Variants in DMD observed in about 807,000 individuals in gnomAD.
DMD encodes the protein mutant dystrophin.
A neutral mutation model predicts 330.1 loss-of-function variants in DMD; 63 were observed. The ratio of observed to expected loss-of-function variants is 0.19; its 90% CI spans 0.16 to 0.24. The LOEUF (loss-of-function observed/expected upper bound fraction) is 0.24. DMD is among the 10% of genes least tolerant of loss of function. The pLI, the probability that DMD is intolerant of heterozygous loss-of-function variation, is 1.00. For synonymous variants in DMD, 1,223 were observed against 959.8 expected, an observed-to-expected ratio of 1.27 and a Z score of -5.07; for missense variants, 3,344 against 2,684.1, an observed-to-expected ratio of 1.25 and a Z score of -5.43.
At chrX:31,155,559 T>C (rs1466788441) in intron 74 of DMD, among the ~76,000 whole-genome samples, 2 of 112,286 alleles carry the variant, frequency 1.8e-5, no homozygotes, top group Admixed American at 9.4e-5. Flanking sequence ...TTCAGGCAAA[T>C]GTAGTAAATC....
At chrX:32,899,224 T>C (rs1481098461) in intron 2 of DMD, among the ~76,000 whole-genome samples, 2 of 112,488 alleles carry the variant, frequency 1.8e-5, no homozygotes, top group African/African-American at 3.2e-5. Flanking sequence ...CGTATGCATT[T>C]AGATCTTTGC....
chrX:32,680,132 T>G (rs2062293943), intron 9 of DMD, among the ~76,000 whole-genome samples: 1 of 108,192 alleles, frequency 9.2e-6, no homozygotes, highest in Non-Finnish European at 1.9e-5. Context: ...CAGGCTGGTC[T>G]CGAACTCCTG....
rs761369135 is a variant in DMD at position 32,421,730 on chromosome X, G to A, written c.4072-9817C>T. ...TCATCGTCTATAGATGAAACCCATC[G>A]TGCTGGAATTATTTGGCATGGGAGA... On this transcript the variant is annotated intron_variant, in intron 29 of 78. Coordinates refer to ENST00000357033, the MANE Select transcript of DMD (RefSeq NM_004006.3). Among the ~76,000 whole-genome samples, 14 of 111,852 alleles carry A rather than the reference G, an allele frequency of 1.3e-4. No individual in the cohort carries two copies. The South Asian group carries it at 1.9e-3, about 15-fold the overall frequency.
intron 4 of DMD, among the ~76,000 whole-genome samples, chrX:32,843,103 G>A (rs775557151): frequency 8.9e-6 from 1 of 111,974 alleles, no homozygotes; most frequent in Non-Finnish European, 1.9e-5. Flanking sequence ...CACCGCGCCC[G>A]ACCTGTACCG....
intron 60 of DMD, among the ~76,000 whole-genome samples, chrX:31,366,821 TCTG>T (rs1401167013): frequency 9.1e-6 from 1 of 109,959 alleles, no homozygotes; most frequent in Non-Finnish European, 1.9e-5. Context: ...TTTCTGTCTG[TCTG>T]ATTTTTTTCT....
chrX:31,969,664 C>T lies in DMD; in HGVS notation c.6439-1150G>A, dbSNP rs913810490. 4.5e-5 allele frequency among the ~76,000 whole-genome samples: 5 copies of T among 111,679 alleles called. No homozygotes were observed. In the East Asian group the frequency reaches 8.4e-4, roughly 19 times the overall value. On this transcript the variant is annotated intron_variant, in intron 44 of 78. Transcript: ENST00000357033. ...CTGAGGTAAAGCTCCCTTAGACTCT[C>T]GTTTCACATACATTTCTTGGCTTTT...
intron 47 of DMD, among the ~76,000 whole-genome samples, chrX:31,883,827 C>G (rs2094112136): frequency 9.2e-6 from 1 of 109,152 alleles, no homozygotes; most frequent in Non-Finnish European, 1.9e-5. Context: ...CGACACACAG[C>G]AAAGGACATG....
At chrX:32,546,407 C>G (rs765278811) in intron 16 of DMD, among the ~76,000 whole-genome samples, 39 of 109,515 alleles carry the variant, frequency 3.6e-4, no homozygotes, top group Non-Finnish European at 6.8e-4. Flanking sequence ...TAGCAATTTT[C>G]CTGAATTTGC....
At chrX:32,853,570 G>A (rs1370875620) in intron 2 of DMD, among the ~76,000 whole-genome samples, 4 of 110,142 alleles carry the variant, frequency 3.6e-5, no homozygotes, top group Non-Finnish European at 7.6e-5. Context: ...CCTCAAATAA[G>A]AAGATATACT....
intron 55 of DMD, among the ~76,000 whole-genome samples, chrX:31,610,567 G>C (rs193072672): frequency 9.0e-6 from 1 of 111,430 alleles, no homozygotes; most frequent in East Asian, 2.8e-4. Flanking sequence ...TCCTTCTCTT[G>C]ATTAACTTTA....
At chrX:32,523,935 T>A (rs967564876) in intron 17 of DMD, among the ~76,000 whole-genome samples, 2 of 103,361 alleles carry the variant, frequency 1.9e-5, no homozygotes, top group African/African-American at 7.1e-5. Flanking sequence ...AAGAAATCTT[T>A]TTTTTTTTTT....
At chrX:33,312,314 G>A (rs770878352) in intron 1 of DMD, among the ~76,000 whole-genome samples, 1 of 110,870 alleles carries the variant, frequency 9.0e-6, no homozygotes, top group Non-Finnish European at 1.9e-5. Flanking sequence ...CTGTGTGCGG[G>A]TTCTGCAGAG....
At chrX:33,297,129 A>G (rs1354224858) in intron 1 of DMD, among the ~76,000 whole-genome samples, 1 of 111,426 alleles carries the variant, frequency 9.0e-6, no homozygotes, top group Non-Finnish European at 1.9e-5. Flanking sequence ...ATTTAAACCA[A>G]ATTAATAGTA....
chrX:32,181,857 C>T (rs945208588), intron 44 of DMD, among the ~76,000 whole-genome samples: 5 of 111,872 alleles, frequency 4.5e-5, no homozygotes, highest in African/African-American at 1.6e-4. Context: ...AAGCTATATC[C>T]CCCACTTGAA....
At chrX:31,465,176 C>T (rs1266714037) in intron 59 of DMD, among the ~76,000 whole-genome samples, 4 of 111,531 alleles carry the variant, frequency 3.6e-5, no homozygotes, top group Admixed American at 1.9e-4. Flanking sequence ...CAATTAATTT[C>T]ACATTGAATA....
At chrX:31,593,297 G>C (rs56695126) in intron 55 of DMD, among the ~76,000 whole-genome samples, 40,697 of 110,132 alleles carry the variant, frequency 0.37, 6,119 homozygotes, top group African/African-American at 0.55. Flanking sequence ...CCCAAGCTCT[G>C]TAGCTATAGA....
intron 11 of DMD, among the ~76,000 whole-genome samples, chrX:32,617,930 T>A (rs1005709407): frequency 2.7e-5 from 3 of 111,400 alleles, no homozygotes; most frequent in African/African-American, 9.8e-5. Flanking sequence ...TAGACATTTA[T>A]CATAAAAGGG....
chrX:32,018,392 C>T (rs16990051), intron 44 of DMD, among the ~76,000 whole-genome samples: 4,369 of 111,204 alleles, frequency 0.039, 220 homozygotes, highest in African/African-American at 0.14. Flanking sequence ...TCCTTGGCTG[C>T]TCAATATACC....
intron 59 of DMD, among the ~76,000 whole-genome samples, chrX:31,446,668 T>A (rs767088846): frequency 5.3e-4 from 59 of 111,496 alleles, no homozygotes; most frequent in African/African-American, 1.7e-3. Flanking sequence ...TAAATCCATA[T>A]ATATGAATAC....
Sources: allele counts gnomAD v4.1 joint callset (sites outside exome capture counted in the v4.1 genomes callset), GRCh38; gene constraint gnomAD v4.1.1; transcripts MANE v1.5; gene names NCBI Gene and HGNC (gene_info 2026-07-23, HGNC 2026-07-21).